The following DSCAM variants were observed in gnomAD, a reference collection of about 807,000 sequenced individuals.
DSCAM encodes cell adhesion molecule DSCAM.
A neutral mutation model predicts 217.7 loss-of-function variants in DSCAM; 47 were observed. The observed-to-expected ratio is 0.22, with a 90% CI of 0.17 to 0.28. The LOEUF (loss-of-function observed/expected upper bound fraction) is 0.28, where lower values mean the gene tolerates loss of function less well. Among genes scored for constraint, DSCAM ranks in the 10% least tolerant of loss-of-function variants. The pLI is 1.00. For synonymous variants in DSCAM, 1,056 were observed against 1,015.3 expected, an observed-to-expected ratio of 1.04 and a Z score of -0.76; for missense variants, 2,080 against 2,618.3, an observed-to-expected ratio of 0.79 and a Z score of 4.49.
At chr21:40,578,442 AAACAGACC>A in intron 3 of DSCAM, among the ~76,000 whole-genome samples, 1 of 40,870 alleles carries the variant, frequency 2.4e-5, no homozygotes, top group Non-Finnish European at 5.8e-5. Context: ...GCACTCTGTA[AAACAGACC>A]AATCAGCACT....
At chr21:40,257,522 T>C (rs919453847) in intron 11 of DSCAM, among the ~76,000 whole-genome samples, 1 of 137,198 alleles carries the variant, frequency 7.3e-6, no homozygotes, top group Non-Finnish European at 1.6e-5. Context: ...TCCCTGGCAC[T>C]GCCTCTCCAC....
At chr21:40,637,568 A>AATATATATAAATATATACATATATAAAT (rs2089811815) in intron 3 of DSCAM, among the ~76,000 whole-genome samples, 1 of 39,126 alleles carries the variant, frequency 2.6e-5, no homozygotes, top group Non-Finnish European at 4.8e-5. Flanking sequence ...TACATATATA[A>AATATATATAAATATATACATATATAAAT]ATATATATAA....
chr21:40,832,226 T>TA (rs1206161696), intron 1 of DSCAM, among the ~76,000 whole-genome samples: 7 of 152,206 alleles, frequency 4.6e-5, no homozygotes, highest in African/African-American at 1.7e-4. Context: ...ATAATAACAA[T>TA]ATTCACATCT....
intron 3 of DSCAM, among the ~76,000 whole-genome samples, chr21:40,668,320 T>C (rs1253332093): frequency 1.3e-5 from 2 of 152,252 alleles, no homozygotes; most frequent in African/African-American, 2.4e-5. Flanking sequence ...TTACACACAA[T>C]GACAGGCAGC....
At chr21:40,768,490 C>G (rs1056697580) in intron 1 of DSCAM, among the ~76,000 whole-genome samples, 23 of 152,240 alleles carry the variant, frequency 1.5e-4, no homozygotes, top group Non-Finnish European at 3.4e-4. Flanking sequence ...GCATTCTTCT[C>G]TATCCCTCCC....
chr21:40,356,141 T>C (rs891985775), intron 4 of DSCAM, among the ~76,000 whole-genome samples: 2 of 152,200 alleles, frequency 1.3e-5, no homozygotes. Context: ...TTTGGATATA[T>C]ACCCAGAGTG....
chr21:40,606,570 A>C (rs1377154582), intron 3 of DSCAM, among the ~76,000 whole-genome samples: 1 of 152,226 alleles, frequency 6.6e-6, no homozygotes, highest in Non-Finnish European at 1.5e-5. Context: ...GCCAGCCCCA[A>C]GTTTTACCAA....
chr21:40,272,541 G>A (rs1375870649), intron 11 of DSCAM, among the ~76,000 whole-genome samples: 9 of 152,158 alleles, frequency 5.9e-5, no homozygotes, highest in Admixed American at 5.9e-4. Flanking sequence ...TTGGAGTGAT[G>A]TTTCTTGAAA....
chr21:40,512,698 T>C (rs75154487), intron 3 of DSCAM, among the ~76,000 whole-genome samples: 2,580 of 152,192 alleles, frequency 0.017, 59 homozygotes, highest in African/African-American at 0.04. Context: ...AGTAAAGTTA[T>C]AGTACTGTAT....
At chr21:40,602,070 T>C (rs973027510) in intron 3 of DSCAM, among the ~76,000 whole-genome samples, 2 of 145,884 alleles carry the variant, frequency 1.4e-5, no homozygotes, top group South Asian at 2.2e-4. Flanking sequence ...TTTTTTTTTT[T>C]TTTTTTTTGA....
chr21:40,257,706 C>T (rs1180107519), intron 11 of DSCAM, among the ~76,000 whole-genome samples: 1 of 151,840 alleles, frequency 6.6e-6, no homozygotes, highest in Non-Finnish European at 1.5e-5. Flanking sequence ...TCTCAGAGGT[C>T]GCAGAAAATA....
intron 1 of DSCAM, among the ~76,000 whole-genome samples, chr21:40,842,819 G>A (rs976897527): frequency 2.0e-5 from 3 of 152,140 alleles, no homozygotes; most frequent in Admixed American, 6.5e-5. Flanking sequence ...GCAGCAAACC[G>A]TGGTCACACC....
chr21:40,800,658 G>A lies in DSCAM; in HGVS notation c.43+45961C>T, dbSNP rs916873141. Among the ~76,000 whole-genome samples, 4 of 151,698 alleles carry A rather than the reference G, an allele frequency of 2.6e-5. No homozygotes were observed. In the East Asian group the frequency reaches 7.8e-4, roughly 30 times the overall value. On this transcript the variant is annotated intron_variant, in intron 1 of 32. Transcript: ENST00000400454. ...GGGCTTTATGGAAGGCCAAACTTAAGAATGATGAACTAGGATATCTGACAC... is the reference window on the plus strand; with the variant it reads ...GGGCTTTATGGAAGGCCAAACTTAAAAATGATGAACTAGGATATCTGACAC...
At chr21:40,100,797 CT>C (rs2089740467) in intron 20 of DSCAM, among the ~76,000 whole-genome samples, 2 of 152,134 alleles carry the variant, frequency 1.3e-5, no homozygotes, top group Non-Finnish European at 2.9e-5. Flanking sequence ...AACAGAGACA[CT>C]TTTCTTAATA....
At chr21:40,563,512 A>G (rs1601747426) in intron 3 of DSCAM, among the ~76,000 whole-genome samples, 1 of 143,224 alleles carries the variant, frequency 7.0e-6, no homozygotes, top group African/African-American at 2.7e-5. Context: ...AAAATTTGTA[A>G]AACAAAATAT....
chr21:40,655,777 G>A (rs184553051), intron 3 of DSCAM, among the ~76,000 whole-genome samples: 6 of 152,146 alleles, frequency 3.9e-5, no homozygotes, highest in Admixed American at 3.9e-4. Context: ...TAATCCACCT[G>A]GCATGGTAGG....
chr21:40,091,563 T>C (rs1049843559), intron 21 of DSCAM, among the ~76,000 whole-genome samples: 1 of 152,134 alleles, frequency 6.6e-6, no homozygotes, highest in Non-Finnish European at 1.5e-5. Flanking sequence ...TTTATAGCAC[T>C]TACTACAGTT....
At chr21:40,025,952 A>C (rs1359701722) in intron 32 of DSCAM, among the ~76,000 whole-genome samples, 1 of 147,746 alleles carries the variant, frequency 6.8e-6, no homozygotes, top group Non-Finnish European at 1.5e-5. Context: ...TAGTTCTTTT[A>C]ATTGTGATGT....
intron 3 of DSCAM, among the ~76,000 whole-genome samples, chr21:40,558,533 G>A (rs2076691085): frequency 6.6e-6 from 1 of 152,104 alleles, no homozygotes. Flanking sequence ...TAGAATGAGA[G>A]AGTGAATTAT....
Sources: allele counts gnomAD v4.1 joint callset (sites outside exome capture counted in the v4.1 genomes callset), GRCh38; gene constraint gnomAD v4.1.1; transcripts MANE v1.5; gene names NCBI Gene and HGNC (gene_info 2026-07-23, HGNC 2026-07-21).